The following RGS6 variants were observed in gnomAD, a reference collection of about 807,000 sequenced individuals.
The protein encoded by RGS6 is regulator of G-protein signaling 6.
In RGS6, 30 loss-of-function variants were observed where a neutral mutation model predicts 78.5. The ratio of observed to expected loss-of-function variants is 0.38; its 90% CI spans 0.29 to 0.52. The LOEUF (loss-of-function observed/expected upper bound fraction) is 0.52. RGS6 is among the 20% of genes least tolerant of loss of function. The pLI, the probability that RGS6 is intolerant of heterozygous loss-of-function variation, is 0.85. For synonymous variants in RGS6, 206 were observed against 206.0 expected (o/e 1.00, Z 0.00); for missense variants, 495 against 609.7 (o/e 0.81, Z 1.98).
At chr14:71,929,144 C>T (rs2087763671), upstream of RGS6, among the ~76,000 whole-genome samples, 1 of 152,164 alleles carries the variant, frequency 6.6e-6, no homozygotes, top group Admixed American at 6.5e-5. Flanking sequence ...CTACTACATA[C>T]CTTGAGTACA....
chr14:72,069,243 G>T (rs1424683627), intron 2 of RGS6, among the ~76,000 whole-genome samples: 1 of 152,114 alleles, frequency 6.6e-6, no homozygotes, highest in Non-Finnish European at 1.5e-5. Context: ...AAAGTGCTAG[G>T]ATTACAGGCG....
In RGS6 at chr14:72,566,416, C is replaced by T. The variant is rs2097710829; in HGVS notation, c.*3949C>T. The T allele has an allele frequency of 6.6e-6, 1 of 152,220 alleles. No homozygotes were observed. 9.4% of individuals were successfully genotyped at this position (152,220 alleles called of 1,614,324 possible). A position where few individuals can be genotyped will look rare whatever the true frequency, so the allele number is the denominator to read the frequency against. On this transcript the variant is annotated 3_prime_UTR_variant, in exon 18 of 18. Coordinates refer to ENST00000553525, the MANE Select transcript of RGS6 (RefSeq NM_001204424.2). Reference sequence around the variant, plus strand: ...ATCACGGACTCATCGGAATGGCCTCCTCTTAGTGCATGTGGTTCTCTTTAG... The same window carrying T: ...ATCACGGACTCATCGGAATGGCCTCTTCTTAGTGCATGTGGTTCTCTTTAG...
At chr14:72,018,435 C>G (rs2087583865) in intron 2 of RGS6, among the ~76,000 whole-genome samples, 1 of 152,148 alleles carries the variant, frequency 6.6e-6, no homozygotes, top group Non-Finnish European at 1.5e-5. Flanking sequence ...GGGAATTTTG[C>G]TCTGGCATTT....
intron 17 of RGS6, among the ~76,000 whole-genome samples, chr14:72,550,035 G>A (rs1009379345): frequency 2.0e-5 from 3 of 152,180 alleles, no homozygotes; most frequent in Admixed American, 6.5e-5. Context: ...CCCGATTGCC[G>A]ATGACACTCC....
chr14:72,423,212 A>C lies in RGS6; in HGVS notation c.185-31316A>C, dbSNP rs192489080. ...TTTTTAGAGAACATGGGTGCCAGAC[A>C]TAGCCACAGACAAAGTCGTGAAATA... On this transcript the variant is annotated intron_variant, in intron 3 of 17. Coordinates refer to ENST00000553525, the MANE Select transcript of RGS6 (RefSeq NM_001204424.2). Among the ~76,000 whole-genome samples, 1,004 of 152,306 alleles carry C rather than the reference A, an allele frequency of 6.6e-3. 40 individuals carry two copies. The highest frequency in any genetic ancestry group is 0.061 in the Admixed American group (928 of 15,302).
intron 2 of RGS6, among the ~76,000 whole-genome samples, chr14:72,145,633 C>T (rs1477848193): frequency 1.3e-5 from 2 of 152,172 alleles, no homozygotes; most frequent in South Asian, 2.1e-4. Flanking sequence ...CATCTGCCAC[C>T]ACACTGGGCT....
intron 2 of RGS6, among the ~76,000 whole-genome samples, chr14:71,995,254 C>T (rs1208016403): frequency 6.6e-6 from 1 of 152,150 alleles, no homozygotes; most frequent in South Asian, 2.1e-4. Flanking sequence ...ATTCTATGTT[C>T]TTCTGGAAAA....
intron 3 of RGS6, among the ~76,000 whole-genome samples, chr14:72,402,219 G>A (rs894772496): frequency 2.0e-5 from 3 of 152,184 alleles, no homozygotes; most frequent in South Asian, 2.1e-4. Context: ...TCAGAGCAGC[G>A]TACAGAAAGG....
chr14:71,989,908 C>G (rs928368991), intron 2 of RGS6, among the ~76,000 whole-genome samples: 2 of 152,088 alleles, frequency 1.3e-5, no homozygotes, highest in African/African-American at 4.8e-5. Context: ...GAGTTTCAGT[C>G]CTGTCTTAGT....
chr14:72,317,313 A>T (rs1469672490), intron 2 of RGS6, among the ~76,000 whole-genome samples: 1 of 152,184 alleles, frequency 6.6e-6, no homozygotes, highest in African/African-American at 2.4e-5. Flanking sequence ...GATGAAATAT[A>T]TAACAACTGA....
At chr14:72,607,803 G>A in the RGS6 span, among the ~76,000 whole-genome samples, 1,077 of 152,258 alleles carry the variant, frequency 7.1e-3, 9 homozygotes, top group Admixed American at 0.015. Context: ...CCCTGAATGC[G>A]AACATCTCTC....
At chr14:72,329,887 C>T (rs895368444) in intron 2 of RGS6, among the ~76,000 whole-genome samples, 1 of 152,156 alleles carries the variant, frequency 6.6e-6, no homozygotes, top group Admixed American at 6.5e-5. Flanking sequence ...CAGCCCCTCT[C>T]CCCACCTCTG....
the RGS6 span, chr14:72,619,338 G>C: frequency 6.5e-7 from 1 of 1,536,068 alleles, no homozygotes; most frequent in Non-Finnish European, 8.7e-7. Flanking sequence ...TCTTTGAGCA[G>C]TTCCCAGCAT....
At position 72,054,332 on chromosome 14, in the gene RGS6, C is replaced by G. The variant is rs574242038; in HGVS notation, c.84+89457C>G. On this transcript the variant is annotated intron_variant, in intron 2 of 17. Transcript: ENST00000553525. ...GCTCAATTAACTATACCAGAGGCATCTTTGGCTGCAAAGGTGGAGGAATCA... is the reference window on the plus strand; with the variant it reads ...GCTCAATTAACTATACCAGAGGCATGTTTGGCTGCAAAGGTGGAGGAATCA... Among the ~76,000 whole-genome samples the G allele has an allele frequency of 2.0e-5, 3 of 152,260 alleles. No individual in the cohort carries two copies. In the South Asian group the frequency reaches 6.2e-4, roughly 32 times the overall value.
At chr14:72,626,675 TATCTTCAAGGTA>T in the RGS6 span, among the ~76,000 whole-genome samples, 1 of 152,174 alleles carries the variant, frequency 6.6e-6, no homozygotes, top group Non-Finnish European at 1.5e-5. Flanking sequence ...GTTGCAGGTA[TATCTTCAAGGTA>T]GATTCCTGTA....
chr14:72,033,187 A>G (rs2091177525), intron 2 of RGS6, among the ~76,000 whole-genome samples: 1 of 152,180 alleles, frequency 6.6e-6, no homozygotes, highest in Non-Finnish European at 1.5e-5. Flanking sequence ...ATAATTTATT[A>G]AATACTGTAC....
intron 2 of RGS6, among the ~76,000 whole-genome samples, chr14:71,996,701 A>G (rs1265926856): frequency 6.6e-6 from 1 of 150,848 alleles, no homozygotes. Context: ...TAAACATTTG[A>G]TGAGTAAGGG....
chr14:71,988,883 A>G (rs1302639805), intron 2 of RGS6, among the ~76,000 whole-genome samples: 1 of 152,212 alleles, frequency 6.6e-6, no homozygotes, highest in Non-Finnish European at 1.5e-5. Context: ...AAGACCTGCC[A>G]TTCACCCCTC....
chr14:72,001,895 C>CTTT (rs59274317), intron 2 of RGS6, among the ~76,000 whole-genome samples: 1,384 of 92,436 alleles, frequency 0.015, 28 homozygotes, highest in Non-Finnish European at 0.019. Flanking sequence ...ATCCATTAAT[C>CTTT]TTTTTTTTTT....
Sources: allele counts gnomAD v4.1 joint callset (sites outside exome capture counted in the v4.1 genomes callset), GRCh38; gene constraint gnomAD v4.1.1; transcripts MANE v1.5; gene names NCBI Gene and HGNC (gene_info 2026-07-23, HGNC 2026-07-21).